Variants in L3MBTL4 observed in about 807,000 individuals in gnomAD.
L3MBTL4 encodes the protein L3MBTL histone methyl-lysine binding protein 4, also known as lethal(3)malignant brain tumor-like protein 4.
L3MBTL4 carries 70 observed loss-of-function variants against 84.5 expected under a neutral mutation model. That is an observed-to-expected ratio of 0.83 (90% CI 0.68 to 1.01). The LOEUF is 1.01. L3MBTL4 is among the 50% of genes least tolerant of loss of function. The probability of loss-of-function intolerance (pLI) is 0.00; values close to 1 mark genes in which losing one functional copy is unlikely to be tolerated. For synonymous variants in L3MBTL4, 274 were observed against 259.8 expected, an observed-to-expected ratio of 1.05 and a Z score of -0.52; for missense variants, 715 against 754.8, an observed-to-expected ratio of 0.95 and a Z score of 0.62.
At chr18:6,371,271 G>A (rs960787892) in intron 1 of L3MBTL4, among the ~76,000 whole-genome samples, 2 of 152,210 alleles carry the variant, frequency 1.3e-5, no homozygotes, top group Admixed American at 1.3e-4. Context: ...CACCTGTACT[G>A]TGAGCTGATG....
At chr18:6,348,003 T>C (rs1375606360) in intron 1 of L3MBTL4, among the ~76,000 whole-genome samples, 1 of 152,022 alleles carries the variant, frequency 6.6e-6, no homozygotes, top group East Asian at 1.9e-4. Context: ...TGTTTCCATA[T>C]ATCAGCAACA....
intron 1 of L3MBTL4, among the ~76,000 whole-genome samples, chr18:6,408,478 A>G (rs2055827607): frequency 6.6e-6 from 1 of 152,204 alleles, no homozygotes; most frequent in Non-Finnish European, 1.5e-5. Flanking sequence ...TTTTAAATAC[A>G]GAGACTTCAC....
chr18:5,958,832 A>G (rs923992228), intron 18 of L3MBTL4, among the ~76,000 whole-genome samples: 2 of 152,208 alleles, frequency 1.3e-5, no homozygotes, highest in Non-Finnish European at 2.9e-5. Context: ...CAATCTGCCT[A>G]AAGTGACAGT....
intron 12 of L3MBTL4, among the ~76,000 whole-genome samples, chr18:6,189,657 TA>T (rs1212038695): frequency 8.6e-5 from 13 of 152,040 alleles, no homozygotes; most frequent in Non-Finnish European, 1.2e-4. Flanking sequence ...AAAATGGATA[TA>T]AAGTTGGAGA....
chr18:6,053,617 G>C (rs2056912339), intron 16 of L3MBTL4, among the ~76,000 whole-genome samples: 1 of 152,176 alleles, frequency 6.6e-6, no homozygotes, highest in African/African-American at 2.4e-5. Flanking sequence ...TGTAGCCAAG[G>C]ATAGTTGCTT....
In L3MBTL4 at chr18:6,243,381, A is replaced by G; in HGVS notation, c.373T>C (p.Tyr125His). 1 of 1,607,932 alleles carries G rather than the reference A, an allele frequency of 6.2e-7. No homozygotes were observed. The highest frequency in any genetic ancestry group is 8.5e-7 in the Non-Finnish European group (1 of 1,177,276). ...GAACCAGCATTGGTCCAAAAATCATAGCAACTTAAATAACCATCAAAATGA... is the reference window on the plus strand; with the variant it reads ...GAACCAGCATTGGTCCAAAAATCATGGCAACTTAAATAACCATCAAAATGA... ...RLHFDGYLSC[Y>H]DFWTNAGSPD... The change falls in exon 7 of 19, where the codon TAT becomes CAT. Residue 125 changes from tyrosine to histidine, a missense_variant. Transcript: ENST00000317931.
chr18:6,219,621 T>A (rs1040953143), intron 10 of L3MBTL4, among the ~76,000 whole-genome samples: 3 of 151,354 alleles, frequency 2.0e-5, no homozygotes, highest in African/African-American at 7.3e-5. Context: ...GATTTCCTCA[T>A]GGTGCCAGCA....
At chr18:5,995,637 G>A (rs943815467) in intron 16 of L3MBTL4, among the ~76,000 whole-genome samples, 43 of 152,316 alleles carry the variant, frequency 2.8e-4, no homozygotes, top group African/African-American at 9.4e-4. Flanking sequence ...CTTCTGGAGA[G>A]ACAGAACTCT....
At chr18:6,239,689 C>CA in intron 9 of L3MBTL4, 29 bp downstream of exon 9, 1 of 1,605,182 alleles carries the variant, frequency 6.2e-7, no homozygotes, top group Non-Finnish European at 8.5e-7. Context: ...TATGAATACA[C>CA]AAAAATAAAA....
At chr18:6,023,313 C>G (rs746849735) in intron 16 of L3MBTL4, among the ~76,000 whole-genome samples, 11 of 152,120 alleles carry the variant, frequency 7.2e-5, no homozygotes, top group Non-Finnish European at 1.2e-4. Context: ...CATCTGAGTG[C>G]ACTGATTCAT....
intron 1 of L3MBTL4, among the ~76,000 whole-genome samples, chr18:6,354,009 A>ATCGC (rs1195583561): frequency 6.6e-6 from 1 of 152,182 alleles, no homozygotes; most frequent in Non-Finnish European, 1.5e-5. Flanking sequence ...ACCTGAAGGA[A>ATCGC]TCATGTTACC....
At chr18:6,029,000 T>C (rs536293329) in intron 16 of L3MBTL4, among the ~76,000 whole-genome samples, 1 of 152,328 alleles carries the variant, frequency 6.6e-6, no homozygotes, top group South Asian at 2.1e-4. Flanking sequence ...AATTTTAAAC[T>C]GCTGTGACTT....
intron 1 of L3MBTL4, among the ~76,000 whole-genome samples, chr18:6,343,230 T>C (rs1045685765): frequency 1.3e-5 from 2 of 152,136 alleles, no homozygotes; most frequent in Admixed American, 1.3e-4. Context: ...AGCAACACTA[T>C]AAACCAAATG....
chr18:6,097,407 G>A (rs1248852877), intron 14 of L3MBTL4, among the ~76,000 whole-genome samples: 2 of 152,156 alleles, frequency 1.3e-5, no homozygotes, highest in Non-Finnish European at 2.9e-5. Context: ...ACATGTTTCT[G>A]TCTCTGAGTT....
At chr18:6,097,918 C>T (rs749599421) in intron 14 of L3MBTL4, among the ~76,000 whole-genome samples, 12 of 152,182 alleles carry the variant, frequency 7.9e-5, no homozygotes, top group South Asian at 2.1e-4. Context: ...CCAGATGCCA[C>T]CTGGCCAGTC....
Position 5,961,757 on chromosome 18 carries a change from GC to G in L3MBTL4, c.1615-1602del, listed in dbSNP as rs574528177. On this transcript the variant is annotated intron_variant, in intron 17 of 18. Transcript: ENST00000317931. ...TGGCAGTTCAGGCAGAGGAAGCCGA[GC>G]TGTTTGTTGGGCTAATACAGTTTTC... is the stretch of plus-strand genomic sequence containing the variant. Among the ~76,000 whole-genome samples the G allele has an allele frequency of 6.3e-3, 952 of 151,750 alleles. 11 individuals are homozygous for G. Among genetic ancestry groups the G allele is most frequent in the South Asian group, 0.011 (53 of 4,816 alleles).
intron 1 of L3MBTL4, among the ~76,000 whole-genome samples, chr18:6,387,449 G>C (rs1158743680): frequency 6.6e-6 from 1 of 151,986 alleles, no homozygotes; most frequent in African/African-American, 2.4e-5. Context: ...TGAGTGAAAG[G>C]GAAAACACTG....
At chr18:6,251,035 T>C (rs569463682) in intron 5 of L3MBTL4, among the ~76,000 whole-genome samples, 58 of 152,296 alleles carry the variant, frequency 3.8e-4, no homozygotes, top group Non-Finnish European at 6.9e-4. Flanking sequence ...ATTTGATGAC[T>C]TTCTTCACTC....
chr18:6,267,240 G>A (rs1285505322), intron 4 of L3MBTL4, among the ~76,000 whole-genome samples: 5 of 152,094 alleles, frequency 3.3e-5, no homozygotes, highest in East Asian at 1.9e-4. Context: ...ACACTAACTC[G>A]TTATTGCTAG....
Sources: allele counts gnomAD v4.1 joint callset (sites outside exome capture counted in the v4.1 genomes callset), GRCh38; gene constraint gnomAD v4.1.1; transcripts MANE v1.5; gene names NCBI Gene and HGNC (gene_info 2026-07-23, HGNC 2026-07-21).